Variants in NDUFAF6 observed in about 807,000 individuals in gnomAD.
NDUFAF6 encodes NADH dehydrogenase (ubiquinone) complex I, assembly factor 6.
A neutral mutation model predicts 40.8 loss-of-function variants in NDUFAF6; 45 were observed. That is an observed-to-expected ratio of 1.10 (90% confidence interval 0.87 to 1.42). The LOEUF is 1.42. NDUFAF6 is among the 40% of genes most tolerant of loss of function. The pLI is 0.00. For synonymous variants in NDUFAF6, 185 were observed against 155.9 expected (o/e 1.19, Z -1.39); for missense variants, 435 against 418.5 (o/e 1.04, Z -0.34).
chr8:95,019,255 C>G, intron 2 of NDUFAF6, among the ~76,000 whole-genome samples: 1 of 152,244 alleles, frequency 6.6e-6, no homozygotes, highest in East Asian at 1.9e-4. Context: ...AGTGATCTGC[C>G]TGCCTTGGCC....
At chr8:95,094,983 T>C (rs894053013) in intron 2 of NDUFAF6, among the ~76,000 whole-genome samples, 3 of 151,382 alleles carry the variant, frequency 2.0e-5, no homozygotes, top group Non-Finnish European at 4.4e-5. Flanking sequence ...CCCAGGTTGG[T>C]CTTGAACTAC....
chr8:94,901,765 T>C (rs1818033167), intron 1 of NDUFAF6, among the ~76,000 whole-genome samples: 1 of 152,078 alleles, frequency 6.6e-6, no homozygotes, highest in African/African-American at 2.4e-5. Flanking sequence ...TTGTATTTTT[T>C]GTAGAGTCAG....
intron 2 of NDUFAF6, among the ~76,000 whole-genome samples, chr8:94,997,248 G>A (rs138272080): frequency 4.8e-5 from 7 of 144,648 alleles, no homozygotes; most frequent in Non-Finnish European, 8.9e-5. Context: ...GGGCCAACCT[G>A]ACCCTGCCAG....
At chr8:95,005,065 T>G (rs1331840895) in intron 2 of NDUFAF6, among the ~76,000 whole-genome samples, 1 of 152,082 alleles carries the variant, frequency 6.6e-6, no homozygotes, top group African/African-American at 2.4e-5. Context: ...ATTTTTAGGG[T>G]CAGATTGATC....
chr8:95,096,486 A>G (rs1387939267), upstream of NDUFAF6, among the ~76,000 whole-genome samples: 3 of 152,230 alleles, frequency 2.0e-5, no homozygotes, highest in African/African-American at 7.2e-5. Flanking sequence ...AGGAGTCCTT[A>G]GTTAATACAG....
chr8:95,049,912 AC>A (rs1831241593), intron 7 of NDUFAF6, among the ~76,000 whole-genome samples: 1 of 152,200 alleles, frequency 6.6e-6, no homozygotes, highest in Non-Finnish European at 1.5e-5. Flanking sequence ...CATTATGGGC[AC>A]TCAGTAAATA....
chr8:94,996,161 A>G (rs568127559), intron 2 of NDUFAF6, among the ~76,000 whole-genome samples: 2 of 152,338 alleles, frequency 1.3e-5, no homozygotes, highest in South Asian at 4.1e-4. Flanking sequence ...ACCCTGGGTC[A>G]GGCACTGTGG....
At chr8:95,045,434 T>G in intron 4 of NDUFAF6, 111 bp from the exon 5 acceptor site, 1 of 737,810 alleles carries the variant, frequency 1.4e-6, no homozygotes, top group Admixed American at 2.1e-5. Context: ...CTAAATAACA[T>G]ATACTGAATA....
At chr8:94,902,585 C>G (rs905629614) in intron 1 of NDUFAF6, among the ~76,000 whole-genome samples, 1 of 151,770 alleles carries the variant, frequency 6.6e-6, no homozygotes, top group Non-Finnish European at 1.5e-5. Flanking sequence ...CTTAGTATTC[C>G]ATTGTATGGA....
At chr8:94,979,814 G>A (rs1044366739) in intron 1 of NDUFAF6, among the ~76,000 whole-genome samples, 1 of 152,206 alleles carries the variant, frequency 6.6e-6, no homozygotes, top group African/African-American at 2.4e-5. Flanking sequence ...GCCGGAATGG[G>A]CTGGGCACCA....
chr8:95,099,691 ATTC>A (rs1467233507), upstream of NDUFAF6, among the ~76,000 whole-genome samples: 4 of 152,038 alleles, frequency 2.6e-5, no homozygotes, highest in African/African-American at 9.7e-5. Flanking sequence ...TGGAGACTAG[ATTC>A]TTCTTGGATG....
intron 1 of NDUFAF6, chr8:94,932,048 G>C: frequency 1.9e-6 from 3 of 1,605,120 alleles, no homozygotes; most frequent in Non-Finnish European, 2.6e-6. Flanking sequence ...ATATCACACA[G>C]TCTCAAAGTG....
rs1215376364 is a variant in NDUFAF6 at position 94,904,129 on chromosome 8, TTTTTGTGGTTTTTTTGTTTTTTGG to T, written c.-936+8207_-936+8230del. On this transcript the variant is annotated intron_variant, in intron 1 of 14. Coordinates refer to the NDUFAF6 transcript ENST00000396113. ...TGAACCATGTGTTTTTTTGTTTTTGTTTTTGTGGTTTTTTTGTTTTTTGGTTTTTTTTGAGATGGAGACTCACTT... is the reference window on the plus strand; with the variant it reads ...TGAACCATGTGTTTTTTTGTTTTTGTTTTTTTTTGAGATGGAGACTCACTT... 2.3e-4 allele frequency among the ~76,000 whole-genome samples: 35 copies of T among 151,094 alleles called. No homozygotes were observed. The South Asian group carries it at 6.7e-3, about 29-fold the overall frequency.
At chr8:95,044,064 A>G (rs1563822949) in intron 4 of NDUFAF6, among the ~76,000 whole-genome samples, 1 of 152,252 alleles carries the variant, frequency 6.6e-6, no homozygotes, top group Non-Finnish European at 1.5e-5. Context: ...TTATTCAACT[A>G]AAAAGAATAA....
In NDUFAF6 at chr8:95,083,829, A is replaced by G. The variant is rs73262439; in HGVS notation, n.213+8077A>G. Among the ~76,000 whole-genome samples the G allele has an allele frequency of 5.8e-3, 887 of 152,362 alleles. 11 individuals carry two copies. The highest frequency in any genetic ancestry group is 0.02 in the African/African-American group (850 of 41,586). On this transcript the variant is annotated intron_variant and non_coding_transcript_variant, in intron 2 of 5. Coordinates refer to the NDUFAF6 transcript ENST00000523184. ...ATTTCTAATGGAGACAAAGTCCCAG[A>G]GACTGCTTATATGACCATGTTTCGT...
intron 4 of NDUFAF6, 40 bp from the exon 5 acceptor site, chr8:95,045,505 G>A (rs779451007): frequency 7.0e-7 from 1 of 1,422,188 alleles, no homozygotes; most frequent in Non-Finnish European, 9.9e-7. Context: ...CTAAAATATT[G>A]ACAGTTCAAC....
At chr8:95,107,351 C>T (rs1046927987), downstream of NDUFAF6, among the ~76,000 whole-genome samples, 2 of 152,086 alleles carry the variant, frequency 1.3e-5, no homozygotes, top group African/African-American at 4.8e-5. Flanking sequence ...AGCTGAAAAC[C>T]ATCATTCTCA....
intron 4 of NDUFAF6, among the ~76,000 whole-genome samples, chr8:95,111,425 A>G (rs1199234201): frequency 6.6e-6 from 1 of 152,188 alleles, no homozygotes; most frequent in Non-Finnish European, 1.5e-5. Flanking sequence ...AGTATGATCG[A>G]TTCTGTGCAC....
At chr8:94,976,544 G>A (rs1824962088) in intron 1 of NDUFAF6, among the ~76,000 whole-genome samples, 1 of 150,748 alleles carries the variant, frequency 6.6e-6, no homozygotes. Flanking sequence ...TGCGGTGGTA[G>A]GTGCCTGTGG....
Sources: gnomAD v4.1 joint callset for allele counts (sites outside exome capture counted in the v4.1 genomes callset) on GRCh38, gnomAD v4.1.1 for gene constraint, MANE v1.5 for transcripts, NCBI Gene and HGNC (gene_info 2026-07-23, HGNC 2026-07-21) for gene names.